The following SMS variants were observed in gnomAD, a reference collection of about 807,000 sequenced individuals.
SMS encodes the protein spermine synthase, also known as spermidine aminopropyltransferase.
A neutral mutation model predicts 33.0 loss-of-function variants in SMS; 3 were observed. The observed-to-expected ratio is 0.09, with a 90% CI of 0.04 to 0.23. The LOEUF (loss-of-function observed/expected upper bound fraction) is 0.23, where lower values mean the gene tolerates loss of function less well. Ranked by LOEUF, SMS falls within the 10% of genes least tolerant of loss-of-function variation. The probability of loss-of-function intolerance (pLI) is 1.00; values close to 1 mark genes in which losing one functional copy is unlikely to be tolerated. For missense variants in SMS, 117 were observed against 288.6 expected (o/e 0.41, Z 4.31); for synonymous variants, 103 against 112.2 (o/e 0.92, Z 0.52).
At chrX:21,953,354 A>G (rs1922747941) in intron 1 of SMS, among the ~76,000 whole-genome samples, 1 of 111,237 alleles carries the variant, frequency 9.0e-6, no homozygotes, top group Admixed American at 9.6e-5. Context: ...AAAGACAGTT[A>G]TTCAGTTAAT....
At chrX:21,961,008 G>A (rs1923301815) in intron 1 of SMS, among the ~76,000 whole-genome samples, 2 of 107,440 alleles carry the variant, frequency 1.9e-5, no homozygotes, top group Admixed American at 1.0e-4. Flanking sequence ...AAAGCTGAAG[G>A]AGGAGCAGGA....
intron 1 of SMS, among the ~76,000 whole-genome samples, chrX:21,965,138 G>C (rs1462893145): frequency 1.8e-5 from 2 of 111,433 alleles, no homozygotes; most frequent in African/African-American, 6.5e-5. Context: ...TTAGGGTCTG[G>C]GTACCTGGAT....
chrX:21,970,512 A>G (rs1924058491), intron 2 of SMS, among the ~76,000 whole-genome samples: 1 of 111,605 alleles, frequency 9.0e-6, no homozygotes, highest in South Asian at 3.8e-4. Context: ...TCTGGGGAAG[A>G]ACTTGATTTC....
intron 7 of SMS, among the ~76,000 whole-genome samples, chrX:21,983,185 A>AG (rs1260867909): frequency 2.7e-5 from 3 of 110,340 alleles, no homozygotes; most frequent in African/African-American, 9.9e-5. Context: ...GACTACAGGC[A>AG]GATACCACTA....
intron 1 of SMS, among the ~76,000 whole-genome samples, chrX:21,964,013 C>T (rs1923531511): frequency 9.1e-6 from 1 of 110,311 alleles, no homozygotes; most frequent in Non-Finnish European, 1.9e-5. Flanking sequence ...ACTTCAGTGA[C>T]AAACACAAAC....
chrX:21,952,964 T>C (rs1922719979), intron 1 of SMS, among the ~76,000 whole-genome samples: 1 of 106,306 alleles, frequency 9.4e-6, no homozygotes, highest in African/African-American at 3.4e-5. Context: ...GGCTTCCTCA[T>C]GTTGCCCAGG....
At chrX:21,943,277 A>G (rs754103390) in intron 1 of SMS, among the ~76,000 whole-genome samples, 1 of 112,114 alleles carries the variant, frequency 8.9e-6, no homozygotes, top group Admixed American at 9.5e-5. Context: ...CTGGTTCACA[A>G]TAGGATGTTT....
At chrX:21,956,895 G>T (rs953610292) in intron 1 of SMS, among the ~76,000 whole-genome samples, 14 of 112,389 alleles carry the variant, frequency 1.2e-4, no homozygotes, top group African/African-American at 3.9e-4. Flanking sequence ...TCTGTATTTT[G>T]CAGCCATACC....
chrX:21,959,437 G>A (rs1474162260), intron 1 of SMS, among the ~76,000 whole-genome samples: 5 of 111,653 alleles, frequency 4.5e-5, no homozygotes, highest in Non-Finnish European at 9.4e-5. Flanking sequence ...CATGGGCTTG[G>A]GTGAAAAGGA....
chrX:21,993,769 G>T (rs767384685), intron 10 of SMS, among the ~76,000 whole-genome samples: 1 of 112,195 alleles, frequency 8.9e-6, no homozygotes, highest in Admixed American at 9.4e-5. Context: ...TTTTTGTCAG[G>T]CCTGTGTTTG....
At chrX:21,963,841 A>G (rs1334265666) in intron 1 of SMS, among the ~76,000 whole-genome samples, 11 of 111,869 alleles carry the variant, frequency 9.8e-5, no homozygotes, top group Non-Finnish European at 1.9e-4. Flanking sequence ...TCTTGAGGCC[A>G]TTTACCAGGA....
chrX:21,950,454 T>TA (rs1922529397), intron 1 of SMS, among the ~76,000 whole-genome samples: 1 of 89,414 alleles, frequency 1.1e-5, no homozygotes. Flanking sequence ...TTTTTTTTTT[T>TA]AATTTGAGTT....
Position 21,967,259 on chromosome X carries a change from C to T in SMS, c.113C>T (p.Ser38Leu), listed in dbSNP as rs377476289. The T allele has an allele frequency of 4.5e-5, 54 of 1,205,657 alleles. No homozygotes were observed. Among genetic ancestry groups the T allele is most frequent in the Non-Finnish European group, 5.4e-5 (48 of 893,240 alleles). ...SIFQEQGMAE[S>L]VHTWQDHGYL... ...TTCCAGGAGCAGGGGATGGCGGAGT[C>T]GGTGCACACCTGGCAGGACCATGGC... The change falls in exon 2 of 11, where the codon TCG (serine) becomes TTG (leucine). Residue 38 changes from serine (S) to leucine (L), a missense_variant. Ser to Leu is a moderately radical substitution (Grantham distance 145). Around this residue, in one of 3 missense-constraint regions of SMS, gnomAD observed 23 missense variants for 60.5 expected, o/e 0.38. Transcript: ENST00000404933.
At chrX:21,980,415 CA>C (rs1178108858) in intron 7 of SMS, among the ~76,000 whole-genome samples, 1 of 44,579 alleles carries the variant, frequency 2.2e-5, no homozygotes, top group Non-Finnish European at 3.7e-5. Flanking sequence ...AGACTGTCTC[CA>C]AAAAAAAAAA....
chrX:21,980,723 T>G (rs1924882151), intron 7 of SMS, among the ~76,000 whole-genome samples: 1 of 110,691 alleles, frequency 9.0e-6, no homozygotes, highest in African/African-American at 3.3e-5. Flanking sequence ...ACAGTATAAA[T>G]CTAATTATTT....
At chrX:21,974,912 G>C (rs1431185939) in intron 4 of SMS, among the ~76,000 whole-genome samples, 1 of 101,750 alleles carries the variant, frequency 9.8e-6, no homozygotes, top group Non-Finnish European at 2.0e-5. Flanking sequence ...TTAAATGTTA[G>C]AGATTAAATC....
intron 1 of SMS, among the ~76,000 whole-genome samples, chrX:21,959,265 T>C (rs947139209): frequency 1.8e-5 from 2 of 112,669 alleles, no homozygotes; most frequent in South Asian, 3.6e-4. Context: ...AGTTAAACTT[T>C]TAATTGTAAA....
rs747109292 is a variant in SMS, at chrX:21,988,878, A to G, written c.945+3655A>G. The stretch of plus-strand genomic sequence containing the variant: ...GGGACGTGGGAATCAAAGTGGGCCA[A>G]TAGAATTTGAATTGGGGAGGAAGTG... On this transcript the variant is annotated intron_variant, in intron 9 of 10. Transcript: ENST00000404933. Among the ~76,000 whole-genome samples the G allele has an allele frequency of 1.0e-4, 11 of 110,026 alleles. No homozygotes were observed. In the East Asian group the frequency reaches 2.6e-3, roughly 26 times the overall value.
chrX:21,954,089 GT>G (rs1232952101), intron 1 of SMS, among the ~76,000 whole-genome samples: 1 of 110,802 alleles, frequency 9.0e-6, no homozygotes, highest in Non-Finnish European at 1.9e-5. Context: ...AAAAGCAAGA[GT>G]CTTAGTTATG....
Sources: allele counts gnomAD v4.1 joint callset (sites outside exome capture counted in the v4.1 genomes callset), GRCh38; gene constraint gnomAD v4.1.1; regional missense constraint gnomAD v4.1.1; transcripts MANE v1.5; gene names NCBI Gene and HGNC (gene_info 2026-07-23, HGNC 2026-07-21).